The following AKT3 variants were observed in gnomAD, a reference collection of about 807,000 sequenced individuals.
The protein encoded by AKT3 is RAC-gamma serine/threonine-protein kinase.
In AKT3, 15 loss-of-function variants were observed where a neutral mutation model predicts 65.3. The observed-to-expected ratio is 0.23, with a 90% CI of 0.15 to 0.35. The LOEUF is 0.35. Among genes scored for constraint, AKT3 ranks in the 10% least tolerant of loss-of-function variants. AKT3 has a pLI of 1.00. For missense variants in AKT3, 243 were observed against 576.5 expected, an observed-to-expected ratio of 0.42 and a Z score of 5.92; for synonymous variants, 206 against 183.8, an observed-to-expected ratio of 1.12 and a Z score of -0.98.
intron 2 of AKT3, among the ~76,000 whole-genome samples, chr1:243,810,883 C>A (rs1002430142): frequency 4.6e-5 from 7 of 152,166 alleles, no homozygotes; most frequent in Non-Finnish European, 8.8e-5. Context: ...ATATGCAAAT[C>A]AATAAAGTAA....
intron 10 of AKT3, among the ~76,000 whole-genome samples, chr1:243,557,171 T>C (rs3766673): frequency 0.22 from 33,496 of 152,008 alleles, 3,915 homozygotes; most frequent in African/African-American, 0.28. Flanking sequence ...CTTACACATA[T>C]CTTCCAAGAA....
chr1:243,488,997 G>C lies in AKT3; in HGVS notation c.*7-547C>G, dbSNP rs760731605. On this transcript the variant is annotated intron_variant, in intron 13 of 13. Coordinates refer to the AKT3 transcript ENST00000336199. Reference sequence around the variant, plus strand: ...TGACGTTATCCCTCTTTAATTCTGCGGTGGATTTTTCTCCAGGCTAAGGCA... The same window carrying C: ...TGACGTTATCCCTCTTTAATTCTGCCGTGGATTTTTCTCCAGGCTAAGGCA... The C allele has an allele frequency of 2.5e-6, 4 of 1,613,228 alleles. No homozygotes were observed. In the Admixed American group the frequency reaches 6.7e-5, roughly 27 times the overall value.
rs1483530974 is a variant in AKT3 at position 243,504,966 on chromosome 1, T to C, written c.*283A>G. ...ATGGTGGGCTCATGACTTCCAAAGGTTGGAAAATTACTTCTTAAAGTTGCT... is the reference window on the plus strand; with the variant it reads ...ATGGTGGGCTCATGACTTCCAAAGGCTGGAAAATTACTTCTTAAAGTTGCT... On this transcript the variant is annotated 3_prime_UTR_variant, in exon 14 of 14. Coordinates refer to ENST00000673466, the MANE Select transcript of AKT3 (RefSeq NM_005465.7). 5.1e-6 allele frequency: 2 copies of C among 389,794 alleles called. No individual in the cohort carries two copies. The highest frequency in any genetic ancestry group is 9.1e-6 in the Non-Finnish European group (2 of 218,660). The allele number at this position is 389,794 out of a possible 1,614,324, so 24.1% of individuals were successfully genotyped here.
At chr1:243,796,768 G>T (rs1692040331) in intron 2 of AKT3, among the ~76,000 whole-genome samples, 2 of 152,112 alleles carry the variant, frequency 1.3e-5, no homozygotes, top group South Asian at 2.1e-4. Context: ...ACAAAATGTG[G>T]TACATCCATA....
chr1:243,659,298 C>T (rs10803150), intron 4 of AKT3, among the ~76,000 whole-genome samples: 30,743 of 152,010 alleles, frequency 0.2, 3,411 homozygotes, highest in East Asian at 0.31. Flanking sequence ...TCAATGGGAA[C>T]AGAGGTTCAG....
At chr1:243,690,044 G>A (rs745604767) in intron 3 of AKT3, among the ~76,000 whole-genome samples, 9 of 151,852 alleles carry the variant, frequency 5.9e-5, no homozygotes, top group Admixed American at 6.6e-5. Flanking sequence ...TTTTAAGAAG[G>A]GACTGAAGAA....
At chr1:243,568,020 T>C (rs1674295929) in intron 9 of AKT3, among the ~76,000 whole-genome samples, 1 of 152,206 alleles carries the variant, frequency 6.6e-6, no homozygotes, top group Non-Finnish European at 1.5e-5. Context: ...AACACTAACA[T>C]AATGTAAGTA....
intron 12 of AKT3, among the ~76,000 whole-genome samples, chr1:243,514,312 A>G (rs1471900051): frequency 6.6e-6 from 1 of 152,104 alleles, no homozygotes; most frequent in Non-Finnish European, 1.5e-5. Context: ...TAGATGAGAG[A>G]ATGATGACCT....
chr1:243,835,065 AGAAT>A (rs771797300), intron 2 of AKT3, among the ~76,000 whole-genome samples: 109 of 152,326 alleles, frequency 7.2e-4, no homozygotes, highest in Non-Finnish European at 1.4e-3. Context: ...TAATAAATTA[AGAAT>A]GAATATTGTA....
At position 243,503,818 on chromosome 1, in the gene AKT3, A is replaced by C. The variant is rs1266473229; in HGVS notation, c.*1431T>G. The C allele has an allele frequency of 4.3e-6, 1 of 230,944 alleles. No homozygotes were observed. The highest frequency in any genetic ancestry group is 8.6e-6 in the Non-Finnish European group (1 of 116,500). The allele number at this position is 230,944 out of a possible 1,614,324, so 14.3% of individuals were successfully genotyped here. On this transcript the variant is annotated 3_prime_UTR_variant, in exon 14 of 14. Transcript: ENST00000673466. ...AGCCTTCACTGCCCATTTCCTAAATACTCAAGATGTGTTCATTTTGCCACG... is the reference window on the plus strand; with the variant it reads ...AGCCTTCACTGCCCATTTCCTAAATCCTCAAGATGTGTTCATTTTGCCACG...
chr1:243,643,401 C>T (rs1451157315), intron 5 of AKT3, among the ~76,000 whole-genome samples: 2 of 152,166 alleles, frequency 1.3e-5, no homozygotes, highest in Non-Finnish European at 2.9e-5. Flanking sequence ...GGCTTTTTAT[C>T]CTTTTATGCT....
intron 2 of AKT3, among the ~76,000 whole-genome samples, chr1:243,815,507 A>C (rs1693455191): frequency 6.6e-6 from 1 of 152,116 alleles, no homozygotes; most frequent in Non-Finnish European, 1.5e-5. Context: ...ACATGCTTTC[A>C]CTAATGTTTC....
chr1:243,813,630 T>TA (rs1693328491), intron 2 of AKT3, among the ~76,000 whole-genome samples: 1 of 152,186 alleles, frequency 6.6e-6, no homozygotes, highest in African/African-American at 2.4e-5. Context: ...CCCTGGATTT[T>TA]AAAAAATTTA....
At chr1:243,573,898 T>C (rs573744417) in intron 8 of AKT3, among the ~76,000 whole-genome samples, 1 of 152,128 alleles carries the variant, frequency 6.6e-6, no homozygotes, top group African/African-American at 2.4e-5. Flanking sequence ...ATTATCTCAA[T>C]TGGACAACAT....
chr1:243,671,576 A>G (rs1162352353), intron 3 of AKT3, among the ~76,000 whole-genome samples: 1 of 152,188 alleles, frequency 6.6e-6, no homozygotes, highest in African/African-American at 2.4e-5. Flanking sequence ...TTAAGACTCA[A>G]TACATCAACC....
At chr1:243,640,410 C>G (rs1680285562) in intron 5 of AKT3, among the ~76,000 whole-genome samples, 1 of 152,136 alleles carries the variant, frequency 6.6e-6, no homozygotes, top group Non-Finnish European at 1.5e-5. Flanking sequence ...TTCTCTCTCC[C>G]CGGGCTAACC....
At chr1:243,686,377 T>C (rs1466833720) in intron 3 of AKT3, among the ~76,000 whole-genome samples, 1 of 151,852 alleles carries the variant, frequency 6.6e-6, no homozygotes, top group Non-Finnish European at 1.5e-5. Context: ...GTCCTAGGCA[T>C]GAAATGAAAC....
At chr1:243,794,289 G>T (rs766926461) in intron 2 of AKT3, 2 of 152,170 alleles carry the variant, frequency 1.3e-5, no homozygotes, top group African/African-American at 2.4e-5. Context: ...ATCTACCTTG[G>T]CCTCCCAAAG....
Position 243,829,200 on chromosome 1 carries a change from C to T in AKT3, c.46+13925G>A, listed in dbSNP as rs548420181. Among the ~76,000 whole-genome samples the T allele has an allele frequency of 2.6e-5, 4 of 152,160 alleles. No individual in the cohort carries two copies. The East Asian group carries it at 5.8e-4, about 22-fold the overall frequency. On this transcript the variant is annotated intron_variant, in intron 2 of 13. Coordinates refer to ENST00000673466, the MANE Select transcript of AKT3 (RefSeq NM_005465.7). ...CTTTATATTGGCATGACATACTTGG[C>T]AGTGGTTATTTCTGAGAAAGAATAT...
Sources: allele counts gnomAD v4.1 joint callset (sites outside exome capture counted in the v4.1 genomes callset), GRCh38; gene constraint gnomAD v4.1.1; transcripts MANE v1.5; gene names NCBI Gene and HGNC (gene_info 2026-07-23, HGNC 2026-07-21).